The following SCPEP1 variants were observed in gnomAD, a reference collection of about 807,000 sequenced individuals.
The protein encoded by SCPEP1 is serine carboxypeptidase 1.
SCPEP1 carries 51 observed loss-of-function variants against 63.8 expected under a neutral mutation model. The ratio of observed to expected loss-of-function variants is 0.80; its 90% CI spans 0.64 to 1.01. The LOEUF (loss-of-function observed/expected upper bound fraction) is 1.01. Among genes scored for constraint, SCPEP1 ranks in the 50% least tolerant of loss-of-function variants. The pLI, the probability that SCPEP1 is intolerant of heterozygous loss-of-function variation, is 0.00. For synonymous variants in SCPEP1, 204 were observed against 207.8 expected (o/e 0.98, Z 0.16); for missense variants, 499 against 554.9 (o/e 0.90, Z 1.01).
intron 8 of SCPEP1, chr17:56,995,876 TAA>T (rs11361283): frequency 0.12 from 19,480 of 157,794 alleles, 945 homozygotes; most frequent in Admixed American, 0.17. Context: ...TGGATTCTAT[TAA>T]AAAAAAAAAA....
Position 56,987,713 on chromosome 17 carries a change from C to G in SCPEP1, c.334C>G (p.Leu112Val). 2 of 1,613,860 alleles carry G rather than the reference C, an allele frequency of 1.2e-6. No homozygotes were observed. Among genetic ancestry groups the G allele is most frequent in the Non-Finnish European group, 1.7e-6 (2 of 1,179,946 alleles). ...KTTWLQAASL[L>V]FVDNPVGTGF... ...TACATAGCTCCAGGCTGCCAGTCTC[C>G]TATTTGTGGATAATCCCGTGGGCAC... The change falls in exon 4 of 13, where the codon CTA becomes GTA. Residue 112 changes from leucine to valine, a missense_variant. Physicochemically the swap from Leu to Val is conservative, Grantham distance 32 (BLOSUM62 1). Coordinates refer to ENST00000262288, the MANE Select transcript of SCPEP1 (RefSeq NM_021626.3).
At chr17:56,994,883 C>A in intron 6 of SCPEP1, 98 bp from the exon 7 acceptor site, 1 of 1,133,460 alleles carries the variant, frequency 8.8e-7, no homozygotes, top group Non-Finnish European at 1.3e-6. Flanking sequence ...GGGTTTCTTG[C>A]TTCTGTCTCT....
Position 56,995,689 on chromosome 17 carries a change from C to T in SCPEP1, c.786+54C>T. ...CCTGCTTGGCTTTTTCTGGTGGGTACAGGGCCCATGGTTGGTGTTGTCAAA... is the reference window on the plus strand; with the variant it reads ...CCTGCTTGGCTTTTTCTGGTGGGTATAGGGCCCATGGTTGGTGTTGTCAAA... On this transcript the variant is annotated intron_variant, in intron 8 of 12. Coordinates refer to ENST00000262288, the MANE Select transcript of SCPEP1 (RefSeq NM_021626.3). The T allele has an allele frequency of 3.2e-6, 5 of 1,577,516 alleles. No homozygotes were observed. In the South Asian group the frequency reaches 3.5e-5, roughly 11 times the overall value.
At chr17:56,985,513 C>G in intron 3 of SCPEP1, 46 bp downstream of exon 3, 2 of 1,440,696 alleles carry the variant, frequency 1.4e-6, no homozygotes, top group Non-Finnish European at 2.0e-6. Flanking sequence ...CGTGGCCTCT[C>G]AGAGGCCCTG....
At chr17:57,004,021 A>C (rs1045477480) in intron 12 of SCPEP1, among the ~76,000 whole-genome samples, 26 of 152,132 alleles carry the variant, frequency 1.7e-4, no homozygotes, top group African/African-American at 6.3e-4. Context: ...TAACATGGAG[A>C]AACCCTATCT....
intron 2 of SCPEP1, 163 bp from the exon 3 acceptor site, chr17:56,985,215 C>T: frequency 1.6e-6 from 1 of 628,524 alleles, no homozygotes; most frequent in Non-Finnish European, 2.8e-6. Context: ...ACTAGGGGAG[C>T]TTTGCTAATG....
At position 57,000,908 on chromosome 17, in the gene SCPEP1, A is replaced by G. The variant is rs1393686468; in HGVS notation, c.1048A>G (p.Ile350Val). 3.1e-6 allele frequency: 5 copies of G among 1,614,196 alleles called. No homozygotes were observed. Among genetic ancestry groups the G allele is most frequent in the South Asian group, 2.2e-5 (2 of 91,078 alleles). ...GGAGGAGGACTTCATGAAGCCAGTCATTAGCATTGTGGACGAGTTGCTGGA... is the reference window on the plus strand; with the variant it reads ...GGAGGAGGACTTCATGAAGCCAGTCGTTAGCATTGTGGACGAGTTGCTGGA... Reference protein sequence around the residue: ...NMEEDFMKPVISIVDELLEAG... With the variant: ...NMEEDFMKPVVSIVDELLEAG... Residue 350 changes from isoleucine to valine, a missense_variant, in exon 11 of 13, where the codon ATT becomes GTT. Transcript: ENST00000262288.
chr17:56,991,424 CAG>C (rs1244550413), intron 6 of SCPEP1, among the ~76,000 whole-genome samples: 2 of 152,164 alleles, frequency 1.3e-5, no homozygotes, highest in Non-Finnish European at 2.9e-5. Flanking sequence ...TCTGAAGACT[CAG>C]AGAGGTCAAG....
At chr17:56,993,051 A>G (rs150707008) in intron 6 of SCPEP1, among the ~76,000 whole-genome samples, 1 of 152,280 alleles carries the variant, frequency 6.6e-6, no homozygotes, top group African/African-American at 2.4e-5. Context: ...ACAATTGTTA[A>G]TTGCTTGCTA....
chr17:57,006,334 C>T lies in SCPEP1; in HGVS notation c.*99C>T. ...AAGCGCCATTCTTCCCTGTATCTAA[C>T]TGGGGCTGTGATCAAGAAGGTTCTG... is the stretch of plus-strand genomic sequence containing the variant. On this transcript the variant is annotated 3_prime_UTR_variant, in exon 13 of 13. Transcript: ENST00000262288. 6.1e-6 allele frequency: 5 copies of T among 816,470 alleles called. No homozygotes were observed. Among genetic ancestry groups the T allele is most frequent in the Non-Finnish European group, 9.3e-6 (5 of 536,864 alleles). The allele number at this position is 816,470 out of a possible 1,614,324, so 50.6% of individuals were successfully genotyped here. A position where few individuals can be genotyped will look rare whatever the true frequency, so the allele number is the denominator to read the frequency against.
Position 56,981,164 on chromosome 17 carries a change from G to A in SCPEP1, c.159G>A (p.Trp53Ter). The change falls in exon 2 of 13, where the codon TGG becomes TGA. Residue 53 changes from tryptophan (W) to a stop codon, truncating the protein, a stop_gained. Transcript: ENST00000262288. LOFTEE classifies it high-confidence loss of function. ...VTVRKDAYMF[W>*]WLYYATNSCK... ...TCCGCAAGGATGCCTACATGTTCTG[G>A]TGGCTCTATTATGCCACCAACTCCT... 1.2e-6 allele frequency: 2 copies of A among 1,614,140 alleles called. No individual in the cohort carries two copies. The highest frequency in any genetic ancestry group is 1.7e-6 in the Non-Finnish European group (2 of 1,180,014).
At chr17:56,989,494 C>G (rs934446455) in intron 5 of SCPEP1, among the ~76,000 whole-genome samples, 18 of 152,096 alleles carry the variant, frequency 1.2e-4, no homozygotes, top group Admixed American at 7.9e-4. Context: ...TAATTTTGTC[C>G]TATGGGAATA....
At chr17:57,003,870 T>G (rs1480163466) in intron 12 of SCPEP1, among the ~76,000 whole-genome samples, 1 of 152,096 alleles carries the variant, frequency 6.6e-6, no homozygotes, top group African/African-American at 2.4e-5. Flanking sequence ...GTAGCTTCCT[T>G]TAAGAAGCCA....
In SCPEP1 at chr17:57,002,062, A is replaced by G. The variant is rs773140537; in HGVS notation, c.1177A>G (p.Lys393Glu). The G allele has an allele frequency of 1.2e-5, 20 of 1,614,224 alleles. No individual in the cohort carries two copies. Among genetic ancestry groups the G allele is most frequent in the Non-Finnish European group, 1.7e-5 (20 of 1,180,028 alleles). The change falls in exon 12 of 13, where the codon AAA (lysine) becomes GAA (glutamate). Residue 393 changes from lysine (K) to glutamate (E), a missense_variant. By Grantham distance (56) the Lys-to-Glu change is moderately conservative. Coordinates refer to ENST00000262288, the MANE Select transcript of SCPEP1 (RefSeq NM_021626.3). The stretch of plus-strand genomic sequence containing the variant: ...GAAACTGAAGTGGCCAGAACTGCCT[A>G]AATTCAGTCAGCTGAAGTGGAAGGC... ...VRKLKWPELP[K>E]FSQLKWKALY...
Position 56,991,113 on chromosome 17 carries a change from G to A in SCPEP1, c.561G>A (p.Gly187=), listed in dbSNP as rs1320468700. 4 of 1,613,794 alleles carry A rather than the reference G, an allele frequency of 2.5e-6. No individual in the cohort carries two copies. The highest frequency in any genetic ancestry group is 2.2e-5 in the South Asian group (2 of 91,078). ...GLELYKAIQR[G]TIKCNFAGVA... ...TCCTCTTTCAGGCCATTCAGCGAGG[G>A]ACCATCAAGTGCAACTTTGCGGGGG... The change falls in exon 6 of 13, where the codon GGG becomes GGA. Residue 187 remains glycine (G), a synonymous_variant. Coordinates refer to ENST00000262288, the MANE Select transcript of SCPEP1 (RefSeq NM_021626.3).
intron 6 of SCPEP1, 87 bp from the exon 7 acceptor site, chr17:56,994,894 T>G: frequency 8.1e-7 from 1 of 1,238,164 alleles, no homozygotes; most frequent in East Asian, 2.3e-5. Context: ...TTCTGTCTCT[T>G]TCTTCTTTAG....
In SCPEP1 at chr17:56,998,503, T is replaced by G. The variant is rs769302508; in HGVS notation, c.994+5T>G. ...CTGAGGATCAATCCTGGGGAGGTAC[T>G]TATATGACCTAATTAAGTGCCGTTT... On this transcript the variant is annotated splice_donor_5th_base_variant and intron_variant, in intron 10 of 12. Coordinates refer to ENST00000262288, the MANE Select transcript of SCPEP1 (RefSeq NM_021626.3). 2.0e-5 allele frequency: 32 copies of G among 1,597,358 alleles called. No homozygotes were observed. The highest frequency in any genetic ancestry group is 2.7e-5 in the Non-Finnish European group (31 of 1,165,052).
intron 10 of SCPEP1, 108 bp from the exon 11 acceptor site, chr17:57,000,747 G>A (rs1911713834): frequency 7.8e-7 from 1 of 1,274,266 alleles, no homozygotes; most frequent in Non-Finnish European, 1.1e-6. Flanking sequence ...AAGCATCTGT[G>A]CATTCAGTCG....
intron 8 of SCPEP1, among the ~76,000 whole-genome samples, chr17:56,996,597 G>A (rs971073017): frequency 1.3e-5 from 2 of 151,836 alleles, no homozygotes; most frequent in South Asian, 4.1e-4. Context: ...TCGGCTCACT[G>A]CAACCTCTGC....
Sources: allele counts gnomAD v4.1 joint callset (sites outside exome capture counted in the v4.1 genomes callset), GRCh38; gene constraint gnomAD v4.1.1; transcripts MANE v1.5; gene names NCBI Gene and HGNC (gene_info 2026-07-23, HGNC 2026-07-21).